Variants in TGIF1 observed in about 807,000 individuals in gnomAD.
TGIF1 encodes the protein homeobox protein TGIF1.
A neutral mutation model predicts 19.3 loss-of-function variants in TGIF1; 4 were observed. The ratio of observed to expected loss-of-function variants is 0.21; its 90% CI spans 0.10 to 0.47. TGIF1 has a LOEUF of 0.47. Among genes scored for constraint, TGIF1 ranks in the 20% least tolerant of loss-of-function variants. The pLI is 0.98. For missense variants in TGIF1, 275 were observed against 341.4 expected (o/e 0.81, Z 1.53); for synonymous variants, 122 against 129.3 (o/e 0.94, Z 0.38).
At chr18:3,450,725 C>T (rs2082885943) in intron 1 of TGIF1, among the ~76,000 whole-genome samples, 1 of 152,228 alleles carries the variant, frequency 6.6e-6, no homozygotes, top group Admixed American at 6.5e-5. Context: ...CCTCTCCACG[C>T]TGCTGGCACG....
At position 3,427,566 on chromosome 18, in the gene TGIF1, C is replaced by T. The variant is rs528891201; in HGVS notation, c.-45+9351C>T. Among the ~76,000 whole-genome samples the T allele has an allele frequency of 5.3e-5, 8 of 150,736 alleles. No homozygotes were observed. The South Asian group carries it at 1.7e-3, about 32-fold the overall frequency. Reference sequence around the variant, plus strand: ...TCAGCCTCCCAGAGTGCTAGGATTACAGGCGTGAGCCACTGTGCCTGAGCC... The same window carrying T: ...TCAGCCTCCCAGAGTGCTAGGATTATAGGCGTGAGCCACTGTGCCTGAGCC... On this transcript the variant is annotated intron_variant, in intron 2 of 3. Transcript: ENST00000401449.
chr18:3,426,856 C>T (rs540524975), intron 2 of TGIF1, among the ~76,000 whole-genome samples: 1 of 151,576 alleles, frequency 6.6e-6, no homozygotes, highest in Non-Finnish European at 1.5e-5. Context: ...AGTAATTAAA[C>T]CATGGTACAG....
At chr18:3,428,382 A>T (rs565100862) in intron 2 of TGIF1, among the ~76,000 whole-genome samples, 1 of 152,282 alleles carries the variant, frequency 6.6e-6, no homozygotes, top group East Asian at 1.9e-4. Context: ...AAGATGAGGT[A>T]GCCATTTTTT....
chr18:3,444,079 C>T (rs1411463533), intron 2 of TGIF1, among the ~76,000 whole-genome samples: 5 of 151,498 alleles, frequency 3.3e-5, no homozygotes, highest in Admixed American at 2.0e-4. Context: ...GGACTACAGG[C>T]GCGTGCCACC....
upstream of TGIF1, chr18:3,448,183 C>G (rs1393944813): frequency 1.0e-5 from 10 of 985,360 alleles, no homozygotes; most frequent in Non-Finnish European, 1.2e-5. Context: ...AGCGTCTCCC[C>G]AGTAACCGCC....
chr18:3,436,319 G>A (rs1463233177), intron 2 of TGIF1, among the ~76,000 whole-genome samples: 2 of 152,216 alleles, frequency 1.3e-5, no homozygotes, highest in African/African-American at 2.4e-5. Flanking sequence ...ACAGTGAAGA[G>A]CCATAATCCC....
upstream of TGIF1, chr18:3,449,992 C>A (rs1405691823): frequency 3.0e-6 from 3 of 988,586 alleles, no homozygotes; most frequent in African/African-American, 5.2e-5. Context: ...GACCCGGCCA[C>A]CCCCCGCGTC....
intron 1 of TGIF1, among the ~76,000 whole-genome samples, chr18:3,414,242 A>G (rs1052868788): frequency 6.6e-6 from 1 of 152,220 alleles, no homozygotes; most frequent in African/African-American, 2.4e-5. Context: ...ACCCTTTTCC[A>G]TTCAGTGGAT....
At chr18:3,452,095 A>G in intron 1 of TGIF1, 9 of 1,613,558 alleles carry the variant, frequency 5.6e-6, no homozygotes, top group South Asian at 1.1e-5. Flanking sequence ...GGGAATCCCC[A>G]GTGCTCCTTT....
At chr18:3,453,164 C>T (rs988069936) in intron 1 of TGIF1, among the ~76,000 whole-genome samples, 4 of 152,072 alleles carry the variant, frequency 2.6e-5, no homozygotes, top group Non-Finnish European at 5.9e-5. Flanking sequence ...TCTCGAACTC[C>T]TGGGCTCAAG....
chr18:3,413,291 T>C (rs568460230), intron 1 of TGIF1, among the ~76,000 whole-genome samples: 1 of 152,376 alleles, frequency 6.6e-6, no homozygotes, highest in South Asian at 2.1e-4. Flanking sequence ...TTTTTATTCT[T>C]CTTGGCCCTG....
At chr18:3,450,577 G>A in intron 1 of TGIF1, 72 bp downstream of exon 1, 1 of 1,548,820 alleles carries the variant, frequency 6.5e-7, no homozygotes, top group Non-Finnish European at 8.7e-7. Context: ...GCCGCGCCGC[G>A]CGGAGTCACT....
In TGIF1 at chr18:3,412,150, A is replaced by G. The variant is rs561575693; in HGVS notation, c.-222A>G. 193 of 152,500 alleles carry G rather than the reference A, an allele frequency of 1.3e-3. 3 individuals carry two copies. Among genetic ancestry groups the G allele is most frequent in the Admixed American group, 0.011 (167 of 15,298 alleles). 9.4% of individuals were successfully genotyped at this position (152,500 alleles called of 1,614,324 possible). ...GCCAGAGACTCGAGCCTGCGGTTCC[A>G]GCCCCGCCGCGGTTCCGGCCCCGCC... On this transcript the variant is annotated 5_prime_UTR_variant, in exon 1 of 4. Transcript: ENST00000401449.
chr18:3,452,382 GGT>G, intron 1 of TGIF1: 1 of 1,613,276 alleles, frequency 6.2e-7, no homozygotes, highest in Non-Finnish European at 8.5e-7. Context: ...AACAATGAAA[GGT>G]GACGGGCTGA....
chr18:3,424,725 T>C (rs1321367467), intron 2 of TGIF1, among the ~76,000 whole-genome samples: 2 of 152,174 alleles, frequency 1.3e-5, no homozygotes, highest in Non-Finnish European at 1.5e-5. Context: ...TGGCCAATGA[T>C]GTAATCAATC....
chr18:3,419,085 T>A (rs1012864854), intron 2 of TGIF1, among the ~76,000 whole-genome samples: 2 of 151,954 alleles, frequency 1.3e-5, no homozygotes, highest in Non-Finnish European at 2.9e-5. Context: ...TAAATAAAAA[T>A]GTACAATAGT....
At chr18:3,443,587 T>G (rs949588539) in intron 2 of TGIF1, among the ~76,000 whole-genome samples, 1 of 151,870 alleles carries the variant, frequency 6.6e-6, no homozygotes, top group African/African-American at 2.4e-5. Flanking sequence ...AATGAGAACT[T>G]TTTTTTTGAG....
rs557031366 is a variant in TGIF1 at position 3,423,425 on chromosome 18, A to G, written c.-45+5210A>G. On this transcript the variant is annotated intron_variant, in intron 2 of 3. Coordinates refer to the TGIF1 transcript ENST00000401449. The stretch of plus-strand genomic sequence containing the variant: ...CTGAGCGCAGTGGCTCACGCTTGTA[A>G]TCCCAGCACTTTGGGAGGCCAGGGC... Among the ~76,000 whole-genome samples the G allele has an allele frequency of 2.3e-3, 349 of 152,132 alleles. 2 individuals carry two copies. The highest frequency in any genetic ancestry group is 0.01 in the Middle Eastern group (3 of 294).
chr18:3,414,995 A>G (rs1327676087), intron 1 of TGIF1: 1 of 152,682 alleles, frequency 6.5e-6, no homozygotes, highest in Non-Finnish European at 1.5e-5. Context: ...GGGCAATTTG[A>G]CAATGCATGT....
Sources: allele counts gnomAD v4.1 joint callset (sites outside exome capture counted in the v4.1 genomes callset), GRCh38; gene constraint gnomAD v4.1.1; transcripts MANE v1.5; gene names NCBI Gene and HGNC (gene_info 2026-07-23, HGNC 2026-07-21).